The following RPH3AL variants were observed in gnomAD, a reference collection of about 807,000 sequenced individuals.
The protein encoded by RPH3AL is rab effector Noc2.
RPH3AL carries 38 observed loss-of-function variants against 43.1 expected under a neutral mutation model. The observed-to-expected ratio is 0.88, with a 90% CI of 0.68 to 1.15. RPH3AL has a LOEUF of 1.15. Among genes scored for constraint, RPH3AL ranks in the 50% most tolerant of loss-of-function variants. The probability of loss-of-function intolerance (pLI) is 0.00; values close to 1 mark genes in which losing one functional copy is unlikely to be tolerated. For missense variants in RPH3AL, 462 were observed against 423.2 expected, an observed-to-expected ratio of 1.09 and a Z score of -0.81; for synonymous variants, 189 against 176.3, an observed-to-expected ratio of 1.07 and a Z score of -0.57.
At chr17:316,281 T>G (rs1173515818) in intron 5 of RPH3AL, among the ~76,000 whole-genome samples, 2 of 14,474 alleles carry the variant, frequency 1.4e-4, no homozygotes, top group Non-Finnish European at 3.3e-4. Context: ...TCTCCAGTGA[T>G]GCGTAGTCTC....
At chr17:252,047 T>C (rs1555542766) in intron 6 of RPH3AL, among the ~76,000 whole-genome samples, 10 of 151,662 alleles carry the variant, frequency 6.6e-5, no homozygotes, top group Middle Eastern at 3.4e-3. Context: ...ATCGGCTCAC[T>C]GCAGCCTTCA....
intron 6 of RPH3AL, among the ~76,000 whole-genome samples, chr17:267,860 CT>C (rs1162105291): frequency 4.6e-5 from 7 of 152,194 alleles, no homozygotes; most frequent in Non-Finnish European, 2.9e-5. Flanking sequence ...CTCCTCTCAT[CT>C]TTTGGGTGTA....
intron 6 of RPH3AL, among the ~76,000 whole-genome samples, chr17:253,804 AGG>A (rs2041990828): frequency 2.1e-5 from 2 of 94,990 alleles, no homozygotes; most frequent in African/African-American, 3.7e-5. Context: ...TTCCATCCCT[AGG>A]AACGTGACTA....
At chr17:235,522 C>T (rs112288355) in intron 7 of RPH3AL, among the ~76,000 whole-genome samples, 5 of 139,984 alleles carry the variant, frequency 3.6e-5, no homozygotes, top group African/African-American at 5.3e-5. Context: ...CTGGGGTCGG[C>T]GGAGGCTCCA....
At chr17:249,233 T>C (rs2041833270) in intron 6 of RPH3AL, among the ~76,000 whole-genome samples, 1 of 152,078 alleles carries the variant, frequency 6.6e-6, no homozygotes, top group Non-Finnish European at 1.5e-5. Flanking sequence ...TCAACTGACA[T>C]GACCCTTCTC....
chr17:333,099 G>A lies in RPH3AL; in HGVS notation c.-37+660C>T, dbSNP rs1376645502. On this transcript the variant is annotated intron_variant, in intron 2 of 9. Coordinates refer to ENST00000331302, the MANE Select transcript of RPH3AL (RefSeq NM_006987.4). The surrounding 1 kb of genome is among the most constrained non-coding windows in gnomAD (Gnocchi z 4.5). ...CTAAAGTCGAGAGCTCACCACCCCG[G>A]GCGTTCGTCACTGCAGACATCACTG... The A allele has an allele frequency of 7.8e-7, 1 of 1,283,510 alleles. No homozygotes were observed. Among genetic ancestry groups the A allele is most frequent in the South Asian group, 1.2e-5 (1 of 80,168 alleles). 79.5% of individuals were successfully genotyped at this position (1,283,510 alleles called of 1,614,324 possible). A position where few individuals can be genotyped will look rare whatever the true frequency, so the allele number is the denominator to read the frequency against.
At chr17:267,675 C>G (rs2042355105) in intron 6 of RPH3AL, among the ~76,000 whole-genome samples, 1 of 152,130 alleles carries the variant, frequency 6.6e-6, no homozygotes. Flanking sequence ...GGTCTTGTTC[C>G]CTGCTGGGGA....
intron 7 of RPH3AL, among the ~76,000 whole-genome samples, chr17:221,864 T>G (rs368224934): frequency 1.0e-3 from 122 of 117,268 alleles, no homozygotes; most frequent in South Asian, 1.5e-3. Flanking sequence ...CTCTGAGGCC[T>G]CCACTCACTG....
intron 5 of RPH3AL, among the ~76,000 whole-genome samples, chr17:306,207 C>G (rs971017450): frequency 5.9e-5 from 9 of 151,872 alleles, no homozygotes; most frequent in African/African-American, 2.2e-4. Context: ...GCCTGGACTA[C>G]CTGGAACACA....
At chr17:247,054 C>A in intron 7 of RPH3AL, 57 bp downstream of exon 7, 1 of 1,599,046 alleles carries the variant, frequency 6.3e-7, no homozygotes, top group Non-Finnish European at 8.6e-7. Flanking sequence ...AACTGCCGGG[C>A]TGGCTAATGA....
intron 7 of RPH3AL, among the ~76,000 whole-genome samples, chr17:244,150 A>G (rs1555538629): frequency 7.1e-6 from 1 of 140,630 alleles, no homozygotes; most frequent in Non-Finnish European, 1.5e-5. Context: ...ATCTTCCTCT[A>G]TTGATTACCC....
At chr17:331,592 A>G (rs1178475268) in intron 2 of RPH3AL, 5 of 1,284,812 alleles carry the variant, frequency 3.9e-6, no homozygotes, top group Non-Finnish European at 5.1e-6. Context: ...GAGGAGGCAC[A>G]TTTTAGGAAA....
At position 343,803 on chromosome 17, in the gene RPH3AL, C is replaced by T. The variant is rs958025116; in HGVS notation, c.-213+8909G>A. Reference sequence around the variant, plus strand: ...AAAACAGCCCCCATGACAGAGTTATCCAGCCTAAACGCCAAAGCACTGGAG... The same window carrying T: ...AAAACAGCCCCCATGACAGAGTTATTCAGCCTAAACGCCAAAGCACTGGAG... On this transcript the variant is annotated intron_variant, in intron 1 of 9. Coordinates refer to ENST00000331302, the MANE Select transcript of RPH3AL (RefSeq NM_006987.4). 1.3e-5 allele frequency among the ~76,000 whole-genome samples: 2 copies of T among 152,128 alleles called. 1 individual carries two copies. The highest frequency in any genetic ancestry group is 4.1e-4 in the South Asian group (2 of 4,822).
At chr17:350,521 G>A (rs1293926186) in intron 1 of RPH3AL, among the ~76,000 whole-genome samples, 2 of 152,158 alleles carry the variant, frequency 1.3e-5, no homozygotes, top group African/African-American at 4.8e-5. Context: ...TGAGGCAGGG[G>A]AATCGCTTGA....
At position 274,748 on chromosome 17, in the gene RPH3AL, C is replaced by T. The variant is rs1462565241; in HGVS notation, c.438+7020G>A. On this transcript the variant is annotated intron_variant, in intron 6 of 9. Coordinates refer to ENST00000331302, the MANE Select transcript of RPH3AL (RefSeq NM_006987.4). The surrounding 1 kb of genome is among the most constrained non-coding windows in gnomAD (Gnocchi z 4.7). ...CGCCTTGGAGTCAATCCTGGGTCTG[C>T]GGGGCTTAGGCTGCTGCAGAAGCGG... 3.3e-5 allele frequency among the ~76,000 whole-genome samples: 5 copies of T among 152,058 alleles called. No homozygotes were observed. Among genetic ancestry groups the T allele is most frequent in the Admixed American group, 2.0e-4 (3 of 15,264 alleles).
chr17:335,525 A>G (rs550985785), intron 1 of RPH3AL, among the ~76,000 whole-genome samples: 2 of 152,234 alleles, frequency 1.3e-5, no homozygotes, highest in South Asian at 4.1e-4. Context: ...GAGGGGTAAT[A>G]AATGGTGGTC....
intron 6 of RPH3AL, among the ~76,000 whole-genome samples, chr17:279,066 C>CT (rs1447111598): frequency 1.2e-4 from 18 of 152,162 alleles, no homozygotes; most frequent in Non-Finnish European, 2.2e-4. Context: ...TAGGATTTGG[C>CT]TTTTGCGGGG....
At chr17:320,411 G>A (rs574231965) in intron 4 of RPH3AL, among the ~76,000 whole-genome samples, 13 of 152,190 alleles carry the variant, frequency 8.5e-5, no homozygotes, top group African/African-American at 2.2e-4. Flanking sequence ...TGAGGCAGGC[G>A]GATCGCTTGA....
At chr17:308,030 G>T (rs1284240902) in intron 5 of RPH3AL, among the ~76,000 whole-genome samples, 1 of 152,236 alleles carries the variant, frequency 6.6e-6, no homozygotes, top group African/African-American at 2.4e-5. Flanking sequence ...CGGGGCAGAA[G>T]AATTAAGTGA....
Sources: allele counts gnomAD v4.1 joint callset (sites outside exome capture counted in the v4.1 genomes callset), GRCh38; gene constraint gnomAD v4.1.1; non-coding constraint Gnocchi (gnomAD v3.1); transcripts MANE v1.5; gene names NCBI Gene and HGNC (gene_info 2026-07-23, HGNC 2026-07-21).